The following MAPKAPK5 variants were observed in gnomAD, a reference collection of about 807,000 sequenced individuals.
MAPKAPK5 encodes MAP kinase-activated protein kinase 5.
Under a neutral mutation model 65.1 loss-of-function variants are expected in MAPKAPK5, and 30 were observed. That is an observed-to-expected ratio of 0.46 (90% CI 0.34 to 0.63). MAPKAPK5 has a LOEUF of 0.63. Among genes scored for constraint, MAPKAPK5 ranks in the 20% least tolerant of loss-of-function variants. The pLI, the probability that MAPKAPK5 is intolerant of heterozygous loss-of-function variation, is 0.01. For missense variants in MAPKAPK5, 433 were observed against 581.4 expected (o/e 0.74, Z 2.63); for synonymous variants, 179 against 204.6 (o/e 0.87, Z 1.07).
chr12:111,865,133 A>G, intron 1 of MAPKAPK5, 117 bp from the exon 2 acceptor site: 1 of 641,820 alleles, frequency 1.6e-6, no homozygotes, highest in South Asian at 1.9e-5. Context: ...TCTGCTTATC[A>G]GATTCTCTTA....
chr12:111,845,411 C>A (rs2068876229), intron 1 of MAPKAPK5, among the ~76,000 whole-genome samples: 1 of 152,146 alleles, frequency 6.6e-6, no homozygotes. Context: ...CCGCCTTGGC[C>A]TCCCAAAGTG....
At chr12:111,855,727 T>C (rs1442850107) in intron 1 of MAPKAPK5, among the ~76,000 whole-genome samples, 1 of 151,722 alleles carries the variant, frequency 6.6e-6, no homozygotes, top group Non-Finnish European at 1.5e-5. Flanking sequence ...CTTGGGAAGC[T>C]GAGGCAGAAG....
At chr12:111,888,457 A>G in intron 10 of MAPKAPK5, 31 bp from the exon 11 acceptor site, 1 of 1,610,720 alleles carries the variant, frequency 6.2e-7, no homozygotes, top group Middle Eastern at 1.7e-4. Flanking sequence ...AGCAATGAAT[A>G]TGAAAAACTG....
chr12:111,892,991 A>G lies in MAPKAPK5; in HGVS notation c.1346A>G (p.Asp449Gly). ...GGTCGTGGATTCACAGATAAAGTAG[A>G]TCGACTAAAACTGGCAGAAATTGTG... ...WNGRGFTDKV[D>G]RLKLAEIVKQ... The change falls in exon 14 of 14, where the codon GAT (aspartate) becomes GGT (glycine). Residue 449 changes from aspartate to glycine, a missense_variant. Coordinates refer to ENST00000550735, the MANE Select transcript of MAPKAPK5 (RefSeq NM_003668.4). The G allele has an allele frequency of 6.3e-7, 1 of 1,579,362 alleles. No individual in the cohort carries two copies. The highest frequency in any genetic ancestry group is 8.6e-7 in the Non-Finnish European group (1 of 1,162,056).
chr12:111,842,627 C>T lies in MAPKAPK5; in HGVS notation c.-107C>T. ...CCGAGGGGCGGCTGCTGCCCGTCGC[C>T]ACGAGGCCCAGGGGCCCGAGTGCCG... is the stretch of plus-strand genomic sequence containing the variant. On this transcript the variant is annotated 5_prime_UTR_variant, in exon 1 of 14. Transcript: ENST00000550735. The T allele has an allele frequency of 2.6e-6, 2 of 771,530 alleles. No individual in the cohort carries two copies. The highest frequency in any genetic ancestry group is 3.6e-6 in the Non-Finnish European group (2 of 551,648). The allele number at this position is 771,530 out of a possible 1,614,324, so 47.8% of individuals were successfully genotyped here. A position where few individuals can be genotyped will look rare whatever the true frequency, so the allele number is the denominator to read the frequency against.
intron 9 of MAPKAPK5, 196 bp from the exon 10 acceptor site, chr12:111,885,720 A>T: frequency 1.7e-6 from 1 of 582,212 alleles, no homozygotes; most frequent in Non-Finnish European, 3.0e-6. Flanking sequence ...TTTTTCCAGT[A>T]TACAAAGGAC....
At chr12:111,860,607 A>G (rs945704332) in intron 1 of MAPKAPK5, among the ~76,000 whole-genome samples, 3 of 152,134 alleles carry the variant, frequency 2.0e-5, no homozygotes, top group African/African-American at 7.2e-5. Flanking sequence ...TGTTGGGAAA[A>G]CTAGCATTGT....
intron 5 of MAPKAPK5, among the ~76,000 whole-genome samples, chr12:111,870,036 A>C (rs1392696074): frequency 6.6e-6 from 1 of 152,224 alleles, no homozygotes; most frequent in Non-Finnish European, 1.5e-5. Flanking sequence ...CTGACAAAGA[A>C]TTGCTGTACC....
rs577347695 is a variant in MAPKAPK5 at position 111,896,363 on chromosome 12, T to C, written c.*3302T>C. 3.9e-5 allele frequency: 6 copies of C among 152,238 alleles called. No homozygotes were observed. The South Asian group carries it at 1.2e-3, about 32-fold the overall frequency. 9.4% of individuals were successfully genotyped at this position (152,238 alleles called of 1,614,324 possible). On this transcript the variant is annotated 3_prime_UTR_variant, in exon 14 of 14. Coordinates refer to ENST00000550735, the MANE Select transcript of MAPKAPK5 (RefSeq NM_003668.4). ...TCCAAATGAGCACCAAGCTGGAAGT[T>C]TGTGAACACTCTGGAGGATGCCCCA...
In MAPKAPK5 at chr12:111,900,559, G is replaced by T. The variant is rs542805566; in HGVS notation, c.*7498G>T. The T allele has an allele frequency of 2.2e-6, 1 of 456,152 alleles. No homozygotes were observed. Among genetic ancestry groups the T allele is most frequent in the Admixed American group, 2.3e-5 (1 of 42,586 alleles). 28.3% of individuals were successfully genotyped at this position (456,152 alleles called of 1,614,324 possible). On this transcript the variant is annotated 3_prime_UTR_variant, in exon 14 of 14. Coordinates refer to ENST00000550735, the MANE Select transcript of MAPKAPK5 (RefSeq NM_003668.4). ...AAGCCACGGCCCAGGGGCCGCAAGC[G>T]TAGGGATTCTGCCTGTGGAAATGGT...
intron 1 of MAPKAPK5, among the ~76,000 whole-genome samples, chr12:111,844,970 C>T (rs187929898): frequency 7.2e-5 from 11 of 152,240 alleles, no homozygotes; most frequent in African/African-American, 2.6e-4. Flanking sequence ...TGTAGGCCAT[C>T]GTAAGAACTT....
chr12:111,851,406 A>G (rs1471785944), intron 1 of MAPKAPK5, among the ~76,000 whole-genome samples: 3 of 151,704 alleles, frequency 2.0e-5, no homozygotes, highest in Non-Finnish European at 2.9e-5. Flanking sequence ...GCTCACTTCA[A>G]CCTCTGCCTC....
intron 7 of MAPKAPK5, among the ~76,000 whole-genome samples, chr12:111,878,558 TAC>T (rs1187655209): frequency 6.6e-6 from 1 of 151,958 alleles, no homozygotes; most frequent in Non-Finnish European, 1.5e-5. Context: ...TAGCAGGGAT[TAC>T]AGGCACCTGC....
intron 5 of MAPKAPK5, among the ~76,000 whole-genome samples, chr12:111,869,746 T>C (rs927001545): frequency 2.0e-5 from 3 of 152,328 alleles, no homozygotes; most frequent in Admixed American, 6.5e-5. Flanking sequence ...TTCTATAAAA[T>C]AAAACCCCTT....
chr12:111,862,529 C>T lies in MAPKAPK5; in HGVS notation c.37-2721C>T, dbSNP rs998244915. ...CAGCCTGGCCAACACAGTGAAACCC[C>T]ATCTCTACTAAAAATACAAAAATTA... On this transcript the variant is annotated intron_variant, in intron 1 of 13. Transcript: ENST00000550735. Among the ~76,000 whole-genome samples, 5 of 152,184 alleles carry T rather than the reference C, an allele frequency of 3.3e-5. 1 individual carries two copies.
rs982758305 is a variant in MAPKAPK5, at chr12:111,897,973, T to G, written c.*4912T>G. On this transcript the variant is annotated 3_prime_UTR_variant, in exon 14 of 14. Coordinates refer to ENST00000550735, the MANE Select transcript of MAPKAPK5 (RefSeq NM_003668.4). ...GCGTAAGGAATGGGTGCATAGGGCT[T>G]CTTTTCCTTTTAAATTTGTACTGCT... is the stretch of plus-strand genomic sequence containing the variant. 2.0e-5 allele frequency: 3 copies of G among 151,766 alleles called. No homozygotes were observed. The highest frequency in any genetic ancestry group is 7.3e-5 in the African/African-American group (3 of 41,304). The allele number at this position is 151,766 out of a possible 1,614,324, so 9.4% of individuals were successfully genotyped here. A position where few individuals can be genotyped will look rare whatever the true frequency, so the allele number is the denominator to read the frequency against.
intron 12 of MAPKAPK5, chr12:111,889,292 T>C: frequency 3.2e-6 from 1 of 315,986 alleles, no homozygotes; most frequent in Non-Finnish European, 5.9e-6. Flanking sequence ...TGTGTTTTCT[T>C]AGTTTGACAA....
chr12:111,853,250 T>C (rs1235963957), intron 1 of MAPKAPK5, among the ~76,000 whole-genome samples: 3 of 151,200 alleles, frequency 2.0e-5, no homozygotes, highest in African/African-American at 7.3e-5. Context: ...CAAGCGCCTG[T>C]AGTCCCTGCT....
chr12:111,873,334 T>G (rs1363567787), intron 7 of MAPKAPK5, among the ~76,000 whole-genome samples: 1 of 151,648 alleles, frequency 6.6e-6, no homozygotes, highest in Non-Finnish European at 1.5e-5. Context: ...TTGCAGTTTT[T>G]TGTTTGTTTG....
Sources: gnomAD v4.1 joint callset for allele counts (sites outside exome capture counted in the v4.1 genomes callset) on GRCh38, gnomAD v4.1.1 for gene constraint, MANE v1.5 for transcripts, NCBI Gene and HGNC (gene_info 2026-07-23, HGNC 2026-07-21) for gene names.